SLTM: variants seen among roughly 807,000 people sequenced by gnomAD.
SLTM encodes SAFB like transcription modulator.
A neutral mutation model predicts 134.6 loss-of-function variants in SLTM; 43 were observed. The observed-to-expected ratio is 0.32, with a 90% confidence interval of 0.25 to 0.41. The LOEUF is 0.41. Ranked by LOEUF, SLTM falls within the 10% of genes least tolerant of loss-of-function variation. SLTM has a pLI of 1.00. For synonymous variants in SLTM, 424 were observed against 432.3 expected (o/e 0.98, Z 0.24); for missense variants, 1,055 against 1,288.8 (o/e 0.82, Z 2.78).
chr15:58,930,421 C>T (rs2037794131), intron 2 of SLTM, among the ~76,000 whole-genome samples: 1 of 151,928 alleles, frequency 6.6e-6, no homozygotes, highest in East Asian at 1.9e-4. Flanking sequence ...TGAGCCACTG[C>T]ACCCGGCCCC....
At chr15:58,905,207 T>C (rs1414083449) in intron 5 of SLTM, among the ~76,000 whole-genome samples, 1 of 152,216 alleles carries the variant, frequency 6.6e-6, no homozygotes, top group East Asian at 1.9e-4. Flanking sequence ...GTGTCCAATT[T>C]GCAATATTTG....
intron 2 of SLTM, chr15:58,921,639 C>T (rs1398228349): frequency 9.9e-6 from 4 of 404,304 alleles, no homozygotes; most frequent in African/African-American, 8.2e-5. Flanking sequence ...GAGTAACAAC[C>T]TGATAGATAC....
At chr15:58,927,302 T>A (rs181844837) in intron 2 of SLTM, among the ~76,000 whole-genome samples, 4 of 152,240 alleles carry the variant, frequency 2.6e-5, no homozygotes, top group Admixed American at 2.6e-4. Context: ...AAGATGATGA[T>A]CTTGTTGCCC....
In SLTM at chr15:58,894,619, C is replaced by T. The variant is rs10518990; in HGVS notation, c.1228-37G>A. 2,402 of 1,602,266 alleles carry T rather than the reference C, an allele frequency of 1.5e-3. 66 individuals are homozygous for T. The East Asian group carries it at 0.039, about 26-fold the overall frequency. ...GACTGTACTTTAGAGAGTTTTACAA[C>T]GTTCCAAGTACACAGACTTCTAAAT... is the stretch of plus-strand genomic sequence containing the variant. On this transcript the variant is annotated intron_variant, in intron 9 of 20. Coordinates refer to ENST00000380516, the MANE Select transcript of SLTM (RefSeq NM_024755.4).
At position 58,879,867 on chromosome 15, in the gene SLTM, C is replaced by A; in HGVS notation, c.*132G>T. On this transcript the variant is annotated 3_prime_UTR_variant, in exon 21 of 21. Transcript: ENST00000380516. ...CTTCTCCAAAATTGAGAAAAGCAAT[C>A]ATGTTAAATTTTTAAAAAGAAAAGT... The A allele has an allele frequency of 9.3e-7, 1 of 1,080,926 alleles. No individual in the cohort carries two copies. Among genetic ancestry groups the A allele is most frequent in the Non-Finnish European group, 1.3e-6 (1 of 790,782 alleles). The allele number at this position is 1,080,926 out of a possible 1,614,324, so 67.0% of individuals were successfully genotyped here.
intron 5 of SLTM, among the ~76,000 whole-genome samples, chr15:58,904,452 T>G (rs1300999452): frequency 2.0e-5 from 3 of 151,868 alleles, no homozygotes; most frequent in African/African-American, 7.3e-5. Flanking sequence ...GGCCATAAGC[T>G]AAGAAGTAAA....
At chr15:58,897,784 A>G (rs1161493875) in intron 8 of SLTM, among the ~76,000 whole-genome samples, 3 of 152,132 alleles carry the variant, frequency 2.0e-5, no homozygotes, top group Admixed American at 1.3e-4. Context: ...ATAAGAAACA[A>G]TCTTCTAAAA....
At chr15:58,901,137 C>T (rs747293940) in intron 6 of SLTM, 123 bp downstream of exon 6, 5 of 801,168 alleles carry the variant, frequency 6.2e-6, no homozygotes, top group Non-Finnish European at 8.1e-6. Flanking sequence ...ACTTAATTCA[C>T]TAAATGGATA....
At chr15:58,901,365 G>C (rs1298650609) in intron 5 of SLTM, 78 bp from the exon 6 acceptor site, 2 of 1,155,166 alleles carry the variant, frequency 1.7e-6, no homozygotes, top group Admixed American at 2.2e-5. Context: ...AATCAGCCAA[G>C]TTAAAATTGG....
At chr15:58,897,418 G>C (rs1405108434) in intron 8 of SLTM, 185 bp from the exon 9 acceptor site, 1 of 510,368 alleles carries the variant, frequency 2.0e-6, no homozygotes, top group African/African-American at 1.9e-5. Flanking sequence ...AAATCTGAAC[G>C]TATGTACATT....
At chr15:58,930,175 GCTCACTGCAACCTCCAC>G (rs2037766319) in intron 2 of SLTM, among the ~76,000 whole-genome samples, 1 of 151,810 alleles carries the variant, frequency 6.6e-6, no homozygotes, top group East Asian at 1.9e-4. Flanking sequence ...AGTGACCTTA[GCTCACTGCAACCTCCAC>G]CTCCTGGGTT....
chr15:58,910,103 T>A (rs2036153307), intron 5 of SLTM, among the ~76,000 whole-genome samples: 1 of 152,026 alleles, frequency 6.6e-6, no homozygotes, highest in African/African-American at 2.4e-5. Flanking sequence ...ATTTTAGGAG[T>A]GCTAATATAA....
rs1015176250 is a variant in SLTM, at chr15:58,923,804, T to C, written c.251-6805A>G. 8.7e-5 allele frequency among the ~76,000 whole-genome samples: 12 copies of C among 137,300 alleles called. No homozygotes were observed. The East Asian group carries it at 2.3e-3, about 27-fold the overall frequency. 90.1% of individuals were successfully genotyped at this position (137,300 alleles called of 152,430 possible). ...AAGGCAGATTGAAGCCAAACCTTTT[T>C]TTTTTTTTTTTTTTTTTTTTTGGAG... is the stretch of plus-strand genomic sequence containing the variant. On this transcript the variant is annotated intron_variant, in intron 2 of 20. Coordinates refer to ENST00000380516, the MANE Select transcript of SLTM (RefSeq NM_024755.4).
intron 5 of SLTM, among the ~76,000 whole-genome samples, chr15:58,901,526 A>C (rs984991243): frequency 2.0e-5 from 3 of 152,242 alleles, no homozygotes; most frequent in African/African-American, 7.2e-5. Context: ...TACATAAATA[A>C]CAAACTGGAT....
intron 2 of SLTM, 196 bp downstream of exon 2, chr15:58,932,160 G>T: frequency 1.9e-6 from 1 of 519,264 alleles, no homozygotes; most frequent in Non-Finnish European, 3.5e-6. Context: ...TTTCTAATCA[G>T]CTTCAGCCGA....
At chr15:58,920,147 T>A (rs1018236325) in intron 2 of SLTM, among the ~76,000 whole-genome samples, 1 of 150,528 alleles carries the variant, frequency 6.6e-6, no homozygotes. Context: ...AAACCCCACC[T>A]CTACTAAAAA....
intron 2 of SLTM, among the ~76,000 whole-genome samples, chr15:58,920,333 A>T (rs1290112155): frequency 4.0e-5 from 6 of 150,630 alleles, no homozygotes; most frequent in Admixed American, 4.0e-4. Context: ...AAGTAAAATA[A>T]ATAAATAAGG....
At chr15:58,884,314 TTTG>T (rs770701415) in intron 19 of SLTM, among the ~76,000 whole-genome samples, 336 of 152,076 alleles carry the variant, frequency 2.2e-3, no homozygotes, top group Middle Eastern at 3.4e-3. Context: ...ATTTAATACT[TTTG>T]TTGTTGTTGT....
chr15:58,933,343 G>A, intron 1 of SLTM, 61 bp downstream of exon 1: 4 of 1,490,386 alleles, frequency 2.7e-6, no homozygotes, highest in Non-Finnish European at 1.8e-6. Context: ...GCGGAAGCGG[G>A]GCGCCGAGGC....
Sources: gnomAD v4.1 joint callset for allele counts (sites outside exome capture counted in the v4.1 genomes callset) on GRCh38, gnomAD v4.1.1 for gene constraint, MANE v1.5 for transcripts, NCBI Gene and HGNC (gene_info 2026-07-23, HGNC 2026-07-21) for gene names.